The following GREM2 variants were observed in gnomAD, a reference collection of about 807,000 sequenced individuals.
The protein encoded by GREM2 is gremlin-2.
A neutral mutation model predicts 14.2 loss-of-function variants in GREM2; 11 were observed. That is an observed-to-expected ratio of 0.78 (90% CI 0.49 to 1.28). The LOEUF is 1.28. Ranked by LOEUF, GREM2 falls within the 50% of genes most tolerant of loss-of-function variation. GREM2 has a pLI of 0.00. For synonymous variants in GREM2, 98 were observed against 97.6 expected (o/e 1.00, Z -0.02); for missense variants, 210 against 218.5 (o/e 0.96, Z 0.24).
intron 1 of GREM2, among the ~76,000 whole-genome samples, chr1:240,529,785 C>T (rs1417424643): frequency 3.3e-5 from 5 of 152,096 alleles, no homozygotes; most frequent in African/African-American, 7.2e-5. Flanking sequence ...GCAATGTCTG[C>T]GTATCCTTAA....
In GREM2 at chr1:240,492,838, A is replaced by C; in HGVS notation, c.*131T>G. ...TGTGACAAGGACACCGTCAGCCCTA[A>C]GAGAAGTGCTTGCTGCTGAGGGGGA... On this transcript the variant is annotated 3_prime_UTR_variant, in exon 2 of 2. Transcript: ENST00000318160. The C allele has an allele frequency of 3.2e-6, 3 of 928,802 alleles. No homozygotes were observed. Among genetic ancestry groups the C allele is most frequent in the Non-Finnish European group, 4.3e-6 (3 of 701,698 alleles). The allele number at this position is 928,802 out of a possible 1,614,324, so 57.5% of individuals were successfully genotyped here. A position where few individuals can be genotyped will look rare whatever the true frequency, so the allele number is the denominator to read the frequency against.
intron 1 of GREM2, among the ~76,000 whole-genome samples, chr1:240,554,412 GAAA>G (rs765383055): frequency 1.8e-5 from 2 of 113,498 alleles, no homozygotes; most frequent in Non-Finnish European, 3.7e-5. Context: ...ACTCCGTCTC[GAAA>G]AAAAAAAAAA....
chr1:240,542,440 T>C lies in GREM2; in HGVS notation c.-1-48964A>G, dbSNP rs1238368176. 8.4e-6 allele frequency among the ~76,000 whole-genome samples: 1 copy of C among 118,926 alleles called. No homozygotes were observed. The highest frequency in any genetic ancestry group is 3.4e-5 in the African/African-American group (1 of 29,272). 78.0% of individuals were successfully genotyped at this position (118,926 alleles called of 152,430 possible). Reference sequence around the variant, plus strand: ...GCCAACATGGCGAAACCCCCATCTCTACTAAAAAAAAAAAAAAAAAAAAAA... The same window carrying C: ...GCCAACATGGCGAAACCCCCATCTCCACTAAAAAAAAAAAAAAAAAAAAAA... On this transcript the variant is annotated intron_variant, in intron 1 of 1. Coordinates refer to ENST00000318160, the MANE Select transcript of GREM2 (RefSeq NM_022469.4). This position sits in a 1 kb window ranked among gnomAD's most constrained non-coding sequence, Gnocchi z 4.1.
chr1:240,547,532 T>TATATAGATAGACAGATAGATAG (rs1187770486), intron 1 of GREM2, among the ~76,000 whole-genome samples: 2 of 121,874 alleles, frequency 1.6e-5, no homozygotes, highest in African/African-American at 7.4e-5. Flanking sequence ...TATATATATA[T>TATATAGATAGACAGATAGATAG]ATAGATAGAT....
intron 1 of GREM2, among the ~76,000 whole-genome samples, chr1:240,554,412 G>GAA (rs765383055): frequency 7.0e-5 from 8 of 113,498 alleles, no homozygotes; most frequent in East Asian, 5.1e-4. Context: ...ACTCCGTCTC[G>GAA]AAAAAAAAAA....
At chr1:240,510,376 A>AG (rs1447318296) in intron 1 of GREM2, among the ~76,000 whole-genome samples, 1 of 146,408 alleles carries the variant, frequency 6.8e-6, no homozygotes, top group Non-Finnish European at 1.5e-5. Flanking sequence ...TCGCAAAAAA[A>AG]AAAAAAAAAA....
At chr1:240,599,500 A>G (rs904627726) in intron 1 of GREM2, among the ~76,000 whole-genome samples, 10 of 152,164 alleles carry the variant, frequency 6.6e-5, no homozygotes, top group African/African-American at 2.4e-4. Flanking sequence ...AAAGCTCTGG[A>G]TGGACACACT....
chr1:240,505,287 T>C (rs527356882), intron 1 of GREM2, among the ~76,000 whole-genome samples: 12 of 152,292 alleles, frequency 7.9e-5, no homozygotes, highest in Admixed American at 5.9e-4. Flanking sequence ...CTTTTCTTTA[T>C]ACATTACCCA....
At chr1:240,598,953 ATCC>A (rs1679868492) in intron 1 of GREM2, among the ~76,000 whole-genome samples, 1 of 151,982 alleles carries the variant, frequency 6.6e-6, no homozygotes, top group Non-Finnish European at 1.5e-5. Context: ...CCATCCATCC[ATCC>A]ATCCACTGAT....
chr1:240,548,586 G>A (rs1049360180), intron 1 of GREM2, among the ~76,000 whole-genome samples: 2 of 152,154 alleles, frequency 1.3e-5, no homozygotes, highest in Non-Finnish European at 2.9e-5. Flanking sequence ...AAAAATATAT[G>A]AGTCCAGTTT....
At chr1:240,546,622 A>G (rs181877271) in intron 1 of GREM2, among the ~76,000 whole-genome samples, 2 of 152,370 alleles carry the variant, frequency 1.3e-5, no homozygotes, top group Admixed American at 1.3e-4. Flanking sequence ...TATGGACTAC[A>G]GAGAAGATTG....
At chr1:240,530,650 C>A (rs1409411880) in intron 1 of GREM2, 2 of 152,142 alleles carry the variant, frequency 1.3e-5, no homozygotes, top group Non-Finnish European at 2.9e-5. Context: ...CTAGGACCAT[C>A]GCAAATGAAA....
intron 1 of GREM2, among the ~76,000 whole-genome samples, chr1:240,591,439 T>C (rs1053723030): frequency 6.6e-6 from 1 of 152,172 alleles, no homozygotes; most frequent in African/African-American, 2.4e-5. Context: ...TTATTCAGCA[T>C]TTGATGAAGG....
chr1:240,578,165 G>T (rs1204204792), intron 1 of GREM2, among the ~76,000 whole-genome samples: 1 of 151,994 alleles, frequency 6.6e-6, no homozygotes, highest in Non-Finnish European at 1.5e-5. Flanking sequence ...TCACTCTGTT[G>T]CCCAGGCTGG....
chr1:240,504,192 G>GA (rs1572367534), intron 1 of GREM2, among the ~76,000 whole-genome samples: 2 of 151,968 alleles, frequency 1.3e-5, no homozygotes, highest in African/African-American at 2.4e-5. Flanking sequence ...TGAAAAAATG[G>GA]AAAAAAACTG....
chr1:240,602,237 A>G (rs983452642), intron 1 of GREM2, among the ~76,000 whole-genome samples: 1 of 152,206 alleles, frequency 6.6e-6, no homozygotes, highest in Non-Finnish European at 1.5e-5. Flanking sequence ...TGCTTGTCTT[A>G]TCATTAACAG....
chr1:240,522,132 A>AG (rs1486310850), intron 1 of GREM2, among the ~76,000 whole-genome samples: 33 of 151,614 alleles, frequency 2.2e-4, no homozygotes, highest in African/African-American at 8.0e-4. Context: ...AAAAAAAAAA[A>AG]AAACAAAAAC....
intron 1 of GREM2, among the ~76,000 whole-genome samples, chr1:240,595,216 C>G (rs1679797255): frequency 6.6e-6 from 1 of 152,164 alleles, no homozygotes; most frequent in Non-Finnish European, 1.5e-5. Context: ...CCTGTAGTCC[C>G]AGCTATTTGG....
chr1:240,576,746 T>G (rs1387876251), intron 1 of GREM2, among the ~76,000 whole-genome samples: 2 of 152,124 alleles, frequency 1.3e-5, no homozygotes, highest in African/African-American at 4.8e-5. Flanking sequence ...TATCAGAAAT[T>G]AAAACAATTT....
Sources: gnomAD v4.1 joint callset for allele counts (sites outside exome capture counted in the v4.1 genomes callset) on GRCh38, gnomAD v4.1.1 for gene constraint, Gnocchi (gnomAD v3.1) non-coding constraint, MANE v1.5 for transcripts, NCBI Gene and HGNC (gene_info 2026-07-23, HGNC 2026-07-21) for gene names.